Variants in ANKRD31 observed in about 807,000 individuals in gnomAD.
ANKRD31 encodes the protein ankyrin repeat domain-containing protein 31.
A neutral mutation model predicts 186.0 loss-of-function variants in ANKRD31; 147 were observed. The observed-to-expected ratio is 0.79, with a 90% CI of 0.69 to 0.91. The LOEUF (loss-of-function observed/expected upper bound fraction) is 0.91. Ranked by LOEUF, ANKRD31 falls within the 40% of genes least tolerant of loss-of-function variation. ANKRD31 has a pLI of 0.00. For synonymous variants in ANKRD31, 673 were observed against 736.4 expected, an observed-to-expected ratio of 0.91 and a Z score of 1.39; for missense variants, 1,986 against 2,148.8, an observed-to-expected ratio of 0.92 and a Z score of 1.50.
At chr5:75,209,308 A>C (rs1174606977) in intron 4 of ANKRD31, among the ~76,000 whole-genome samples, 1 of 152,238 alleles carries the variant, frequency 6.6e-6, no homozygotes. Flanking sequence ...TCACCTCTCA[A>C]GTTAAAAAAA....
intron 17 of ANKRD31, among the ~76,000 whole-genome samples, chr5:75,121,409 A>T (rs1748779481): frequency 1.3e-5 from 2 of 152,184 alleles, no homozygotes; most frequent in African/African-American, 4.8e-5. Flanking sequence ...ACTGAGACAG[A>T]AAATCAAGAA....
At chr5:75,079,845 G>A (rs781404158) in intron 25 of ANKRD31, among the ~76,000 whole-genome samples, 1 of 152,090 alleles carries the variant, frequency 6.6e-6, no homozygotes, top group Non-Finnish European at 1.5e-5. Context: ...GTGCATGCCT[G>A]TAATCCCAGA....
At chr5:75,087,696 G>A (rs535287625) in intron 23 of ANKRD31, among the ~76,000 whole-genome samples, 1 of 139,210 alleles carries the variant, frequency 7.2e-6, no homozygotes, top group Admixed American at 6.9e-5. Context: ...AAAACTGTAG[G>A]TTTTCTTTTA....
intron 2 of ANKRD31, among the ~76,000 whole-genome samples, chr5:75,227,540 T>G (rs568802148): frequency 6.6e-6 from 1 of 152,112 alleles, no homozygotes; most frequent in African/African-American, 2.4e-5. Context: ...ACACCTACTA[T>G]GTACCCACAA....
chr5:75,084,611 A>G (rs1745341199), intron 23 of ANKRD31, among the ~76,000 whole-genome samples: 1 of 152,198 alleles, frequency 6.6e-6, no homozygotes, highest in Non-Finnish European at 1.5e-5. Context: ...ATGCTATAAC[A>G]TAATTGACAC....
At chr5:75,164,615 C>G (rs2150179912) in intron 11 of ANKRD31, among the ~76,000 whole-genome samples, 1 of 152,278 alleles carries the variant, frequency 6.6e-6, no homozygotes, top group Middle Eastern at 3.4e-3. Context: ...TGTATTCACT[C>G]CCTTGGGATC....
intron 25 of ANKRD31, 38 bp downstream of exon 25, chr5:75,080,530 A>G: frequency 7.2e-7 from 1 of 1,397,550 alleles, no homozygotes; most frequent in Non-Finnish European, 9.7e-7. Context: ...AAACACTTAT[A>G]AAAGTAAATG....
chr5:75,232,896 A>C (rs539432253), intron 1 of ANKRD31, among the ~76,000 whole-genome samples: 7 of 152,304 alleles, frequency 4.6e-5, no homozygotes, highest in Non-Finnish European at 8.8e-5. Flanking sequence ...GAAAAGAAAC[A>C]TTTCTCAATA....
chr5:75,158,441 T>C (rs1752343100), intron 11 of ANKRD31, among the ~76,000 whole-genome samples: 2 of 151,984 alleles, frequency 1.3e-5, no homozygotes, highest in South Asian at 2.1e-4. Flanking sequence ...GGCATGTGGG[T>C]TGGGGGACTC....
chr5:75,188,506 C>T lies in ANKRD31; in HGVS notation c.1551G>A (p.Gln517=). ...HCIKKGGNVN[Q]PSYAGWTALH... Reference sequence around the variant, plus strand: ...ATCCTAACTTACCAGCATAACTTGGCTGATTAACATTTCCACCTTTTTTTA... The same window carrying T: ...ATCCTAACTTACCAGCATAACTTGGTTGATTAACATTTCCACCTTTTTTTA... Residue 517 remains glutamine, a synonymous_variant, in exon 10 of 26, where the codon CAG becomes CAA. Transcript: ENST00000506364. 1 of 1,535,130 alleles carries T rather than the reference C, an allele frequency of 6.5e-7. No individual in the cohort carries two copies. Among genetic ancestry groups the T allele is most frequent in the East Asian group, 2.4e-5 (1 of 40,854 alleles).
chr5:75,068,376 T>C lies in ANKRD31; in HGVS notation c.*143A>G, dbSNP rs1247666542. The C allele has an allele frequency of 2.7e-6, 2 of 746,564 alleles. No individual in the cohort carries two copies. The highest frequency in any genetic ancestry group is 3.8e-6 in the Non-Finnish European group (2 of 522,986). 46.2% of individuals were successfully genotyped at this position (746,564 alleles called of 1,614,324 possible). On this transcript the variant is annotated 3_prime_UTR_variant, in exon 26 of 26. Coordinates refer to ENST00000506364, the MANE Select transcript of ANKRD31 (RefSeq NM_001372053.1). ...TATAATTGTTGAACAGTTACATACA[T>C]CTTAAGAACAGTAAACATACATCCT...
chr5:75,086,013 A>G (rs1045568203), intron 23 of ANKRD31, among the ~76,000 whole-genome samples: 5 of 152,190 alleles, frequency 3.3e-5, no homozygotes, highest in Non-Finnish European at 7.4e-5. Flanking sequence ...CTTGCCATAG[A>G]AAGTAGAGGA....
intron 19 of ANKRD31, among the ~76,000 whole-genome samples, chr5:75,116,276 G>C (rs1157133852): frequency 8.9e-6 from 1 of 112,346 alleles, no homozygotes. Context: ...GGGGGAGGGG[G>C]GAGGGATAGC....
intron 14 of ANKRD31, among the ~76,000 whole-genome samples, chr5:75,145,218 C>T (rs185670253): frequency 6.6e-5 from 10 of 152,174 alleles, no homozygotes; most frequent in Admixed American, 3.3e-4. Flanking sequence ...TACCATTTGA[C>T]GCAGCCATCC....
At chr5:75,099,434 T>C (rs1337495121) in intron 22 of ANKRD31, among the ~76,000 whole-genome samples, 2 of 152,232 alleles carry the variant, frequency 1.3e-5, no homozygotes, top group Non-Finnish European at 2.9e-5. Flanking sequence ...ATCAGGATGA[T>C]GCTGGCCTCA....
intron 10 of ANKRD31, among the ~76,000 whole-genome samples, chr5:75,185,375 T>C (rs1157113708): frequency 1.3e-5 from 2 of 152,054 alleles, no homozygotes; most frequent in Non-Finnish European, 2.9e-5. Flanking sequence ...CTGGCCAACA[T>C]GGTGAAACCC....
chr5:75,226,642 A>G (rs1450670898), intron 2 of ANKRD31, among the ~76,000 whole-genome samples: 1 of 152,202 alleles, frequency 6.6e-6, no homozygotes, highest in African/African-American at 2.4e-5. Context: ...AAGACATACA[A>G]ATGGCAAACA....
chr5:75,102,307 G>A (rs1444276060), intron 22 of ANKRD31, among the ~76,000 whole-genome samples: 3 of 152,210 alleles, frequency 2.0e-5, no homozygotes, highest in Non-Finnish European at 4.4e-5. Flanking sequence ...TCGTCTCAGA[G>A]GGGCGCCCAG....
At chr5:75,234,562 T>C (rs943343835) in intron 1 of ANKRD31, among the ~76,000 whole-genome samples, 2 of 152,210 alleles carry the variant, frequency 1.3e-5, no homozygotes, top group Non-Finnish European at 2.9e-5. Flanking sequence ...TGTAGTAAAA[T>C]ATCTCTCTGT....
Sources: gnomAD v4.1 joint callset for allele counts (sites outside exome capture counted in the v4.1 genomes callset) on GRCh38, gnomAD v4.1.1 for gene constraint, MANE v1.5 for transcripts, NCBI Gene and HGNC (gene_info 2026-07-23, HGNC 2026-07-21) for gene names.